Variants in SHROOM3 observed in about 807,000 individuals in gnomAD.
The protein encoded by SHROOM3 is shroom family member 3, also known as protein Shroom3.
Under a neutral mutation model 138.6 loss-of-function variants are expected in SHROOM3, and 47 were observed. The observed-to-expected ratio is 0.34, with a 90% confidence interval of 0.27 to 0.43. The LOEUF (loss-of-function observed/expected upper bound fraction) is 0.43, where lower values mean the gene tolerates loss of function less well. SHROOM3 is among the 20% of genes least tolerant of loss of function. SHROOM3 has a pLI of 1.00. For synonymous variants in SHROOM3, 1,062 were observed against 1,063.3 expected (o/e 1.00, Z 0.02); for missense variants, 2,491 against 2,596.5 (o/e 0.96, Z 0.88).
chr4:76,675,550 A>G (rs1719005880), intron 2 of SHROOM3, among the ~76,000 whole-genome samples: 1 of 152,170 alleles, frequency 6.6e-6, no homozygotes, highest in African/African-American at 2.4e-5. Context: ...CTAGTTGTCA[A>G]AATCCTGGAG....
rs1329438421 is a variant in SHROOM3 at position 76,755,190 on chromosome 4, C to G, written c.4707C>G (p.Pro1569=). The change falls in exon 7 of 11, where the codon CCC becomes CCG. Residue 1569 remains proline, a splice_region_variant and synonymous_variant. Transcript: ENST00000296043. ...GTGAGGATCCCGAGGGGCCACGCCC[C>G]AGGTGAGTGAGCAGACTGGGCAGCT... ...LDSEDPEGPR[P]SFNKLSKVTI... is the part of the protein sequence containing the mutation. The G allele has an allele frequency of 6.2e-7, 1 of 1,613,534 alleles. No individual in the cohort carries two copies. The highest frequency in any genetic ancestry group is 8.5e-7 in the Non-Finnish European group (1 of 1,179,840).
chr4:76,448,447 T>G (rs936375404), intron 1 of SHROOM3, among the ~76,000 whole-genome samples: 1 of 152,212 alleles, frequency 6.6e-6, no homozygotes, highest in East Asian at 1.9e-4. Flanking sequence ...ATTCTTTGCT[T>G]GGAAGCCCTT....
chr4:76,570,348 G>C lies in SHROOM3; in HGVS notation c.323+14585G>C, dbSNP rs116316282. Among the ~76,000 whole-genome samples, 695 of 152,226 alleles carry C rather than the reference G, an allele frequency of 4.6e-3. 10 individuals carry two copies. The highest frequency in any genetic ancestry group is 0.016 in the African/African-American group (659 of 41,526). ...ACCTTCATAACAACTGTGCTGACTT[G>C]ATGAGGCATGAGGACCAACATCAGT... On this transcript the variant is annotated intron_variant, in intron 2 of 10. Transcript: ENST00000296043.
Position 76,754,446 on chromosome 4 carries a change from C to T in SHROOM3, c.3963C>T (p.Asp1321=), listed in dbSNP as rs144564306. Residue 1321 remains aspartate, a synonymous_variant, in exon 7 of 11, where the codon GAC becomes GAT. Coordinates refer to ENST00000296043, the MANE Select transcript of SHROOM3 (RefSeq NM_020859.4). ...CTAGTGAATGTCCTGGAACCCTGGA[C>T]CATCAGAGGCAAGCCAGTAGGACAC... The part of the protein sequence containing the change: ...SVPSECPGTL[D]HQRQASRTPC... 1 of 1,614,160 alleles carries T rather than the reference C, an allele frequency of 6.2e-7. No individual in the cohort carries two copies.
intron 2 of SHROOM3, among the ~76,000 whole-genome samples, chr4:76,582,986 G>A (rs1056243849): frequency 1.3e-5 from 2 of 152,310 alleles, no homozygotes; most frequent in African/African-American, 4.8e-5. Context: ...AATCTGGACA[G>A]GTAGAAAGTG....
chr4:76,549,975 A>G (rs1733314320), intron 1 of SHROOM3, among the ~76,000 whole-genome samples: 1 of 152,154 alleles, frequency 6.6e-6, no homozygotes. Context: ...GCACCAAGCA[A>G]ACTTCCCAGG....
intron 2 of SHROOM3, among the ~76,000 whole-genome samples, chr4:76,677,520 C>G (rs17002161): frequency 0.3 from 45,376 of 152,024 alleles, 7,035 homozygotes; most frequent in East Asian, 0.42. Context: ...GGTGAATGAC[C>G]AGGCAGCACA....
intron 5 of SHROOM3, among the ~76,000 whole-genome samples, chr4:76,743,275 G>A (rs748500649): frequency 1.6e-4 from 24 of 152,306 alleles, no homozygotes; most frequent in Middle Eastern, 6.8e-3. Flanking sequence ...TCTATCACAC[G>A]CATACAGCAA....
chr4:76,615,131 A>G (rs1734845562), intron 2 of SHROOM3, among the ~76,000 whole-genome samples: 1 of 152,252 alleles, frequency 6.6e-6, no homozygotes, highest in African/African-American at 2.4e-5. Context: ...CACAGGAGGC[A>G]CAAAGTTCTA....
intron 1 of SHROOM3, among the ~76,000 whole-genome samples, chr4:76,516,676 C>T (rs540943923): frequency 3.9e-5 from 6 of 151,978 alleles, no homozygotes; most frequent in Non-Finnish European, 7.4e-5. Flanking sequence ...TCCTGGTGTA[C>T]ATCACCAGGG....
At chr4:76,688,757 G>A in intron 2 of SHROOM3, 1 of 985,342 alleles carries the variant, frequency 1.0e-6, no homozygotes, top group Non-Finnish European at 1.2e-6. Context: ...TTGCAAAGCT[G>A]AATCCAAAAT....
intron 1 of SHROOM3, among the ~76,000 whole-genome samples, chr4:76,449,463 C>G (rs1730879591): frequency 6.6e-6 from 1 of 152,154 alleles, no homozygotes; most frequent in Non-Finnish European, 1.5e-5. Flanking sequence ...CTTGAAATAA[C>G]AGAATAACTT....
intron 2 of SHROOM3, among the ~76,000 whole-genome samples, chr4:76,592,995 C>T (rs886800105): frequency 1.3e-5 from 2 of 152,182 alleles, no homozygotes; most frequent in Non-Finnish European, 2.9e-5. Context: ...TGCTGATCTC[C>T]TTTGAACCTG....
At chr4:76,545,422 C>T (rs921878408) in intron 1 of SHROOM3, among the ~76,000 whole-genome samples, 5 of 152,138 alleles carry the variant, frequency 3.3e-5, no homozygotes, top group African/African-American at 1.2e-4. Context: ...TTGGATGGTC[C>T]ATAGGGTGTC....
chr4:76,505,633 G>A (rs1308421299), intron 1 of SHROOM3, among the ~76,000 whole-genome samples: 3 of 149,228 alleles, frequency 2.0e-5, no homozygotes, highest in Non-Finnish European at 3.0e-5. Flanking sequence ...CTATTTACAA[G>A]CATTTACCTT....
intron 1 of SHROOM3, among the ~76,000 whole-genome samples, chr4:76,466,980 G>A (rs1244010201): frequency 6.6e-6 from 1 of 151,822 alleles, no homozygotes; most frequent in East Asian, 1.9e-4. Flanking sequence ...TTTATGCTAT[G>A]TGCCAACCCT....
At chr4:76,529,508 G>T (rs1426810313) in intron 1 of SHROOM3, among the ~76,000 whole-genome samples, 1 of 152,022 alleles carries the variant, frequency 6.6e-6, no homozygotes, top group Non-Finnish European at 1.5e-5. Flanking sequence ...ATATATTTTA[G>T]TAGACACGGG....
In SHROOM3 at chr4:76,461,287, G is replaced by A. The variant is rs1731137687; in HGVS notation, c.168+25067G>A. ...AGAGTCAAAGGCAATTGTGAGTCTAGTAGTAAAATTTATTTGAATATCTCA... is the reference window on the plus strand; with the variant it reads ...AGAGTCAAAGGCAATTGTGAGTCTAATAGTAAAATTTATTTGAATATCTCA... On this transcript the variant is annotated intron_variant, in intron 1 of 10. Coordinates refer to ENST00000296043, the MANE Select transcript of SHROOM3 (RefSeq NM_020859.4). Among the ~76,000 whole-genome samples, 4 of 152,222 alleles carry A rather than the reference G, an allele frequency of 2.6e-5. No homozygotes were observed. The South Asian group carries it at 8.3e-4, about 32-fold the overall frequency.
At chr4:76,682,882 G>A (rs1719239735) in intron 2 of SHROOM3, among the ~76,000 whole-genome samples, 1 of 152,176 alleles carries the variant, frequency 6.6e-6, no homozygotes, top group African/African-American at 2.4e-5. Flanking sequence ...TGACAAGTGA[G>A]GAAAATGTGC....
Sources: gnomAD v4.1 joint callset for allele counts (sites outside exome capture counted in the v4.1 genomes callset) on GRCh38, gnomAD v4.1.1 for gene constraint, MANE v1.5 for transcripts, NCBI Gene and HGNC (gene_info 2026-07-23, HGNC 2026-07-21) for gene names.